SLC18A2: variants seen among roughly 807,000 people sequenced by gnomAD.
SLC18A2 encodes the protein solute carrier family 18 member A2.
Under a neutral mutation model 59.2 loss-of-function variants are expected in SLC18A2, and 33 were observed. That is an observed-to-expected ratio of 0.56 (90% CI 0.42 to 0.75). SLC18A2 has a LOEUF of 0.75. SLC18A2 is among the 30% of genes least tolerant of loss of function. The pLI is 0.00. For missense variants in SLC18A2, 569 were observed against 668.6 expected, an observed-to-expected ratio of 0.85 and a Z score of 1.64; for synonymous variants, 228 against 253.5, an observed-to-expected ratio of 0.90 and a Z score of 0.95.
In SLC18A2 at chr10:117,269,333, TACAC is replaced by T. The variant is rs916358023; in HGVS notation, c.1187-736_1187-733del. On this transcript the variant is annotated intron_variant, in intron 13 of 15. Transcript: ENST00000644641. This position sits in a 1 kb window ranked among gnomAD's most constrained non-coding sequence, Gnocchi z 5.1. Reference sequence around the variant, plus strand: ...CAGATACATATATACATATACATAATACACATACACACATGCATACACACATATA... The same window carrying T: ...CAGATACATATATACATATACATAATATACACACATGCATACACACATATA... Among the ~76,000 whole-genome samples the T allele has an allele frequency of 7.5e-5, 1 of 13,252 alleles. No homozygotes were observed. The highest frequency in any genetic ancestry group is 2.1e-4 in the Non-Finnish European group (1 of 4,834). The allele number at this position is 13,252 out of a possible 152,430, so 8.7% of individuals were successfully genotyped here.
At chr10:117,256,044 G>A (rs937780949) in intron 9 of SLC18A2, among the ~76,000 whole-genome samples, 2 of 152,114 alleles carry the variant, frequency 1.3e-5, no homozygotes, top group African/African-American at 2.4e-5. Context: ...AAGGGTCCCC[G>A]GTGGGCAGTC....
At chr10:117,254,252 A>G in intron 5 of SLC18A2, 121 bp downstream of exon 5, 5 of 1,180,996 alleles carry the variant, frequency 4.2e-6, no homozygotes, top group East Asian at 4.8e-5. Flanking sequence ...GAAGGCACCC[A>G]CTTTCCTCTT....
chr10:117,250,668 T>G (rs1180865078), intron 3 of SLC18A2, among the ~76,000 whole-genome samples: 1 of 152,142 alleles, frequency 6.6e-6, no homozygotes, highest in East Asian at 1.9e-4. Flanking sequence ...ACACTCAGGG[T>G]ATGCCCGTAG....
intron 3 of SLC18A2, among the ~76,000 whole-genome samples, chr10:117,246,054 C>T (rs1203695815): frequency 1.3e-5 from 2 of 152,172 alleles, no homozygotes; most frequent in South Asian, 2.1e-4. Flanking sequence ...AAAACCAAAC[C>T]GACCTCAGTA....
At chr10:117,256,906 A>G (rs1394818719) in intron 9 of SLC18A2, among the ~76,000 whole-genome samples, 1 of 152,146 alleles carries the variant, frequency 6.6e-6, no homozygotes, top group Non-Finnish European at 1.5e-5. Context: ...ACTGCCTAGT[A>G]CCTGCTCACA....
At chr10:117,257,978 CTTA>C in intron 10 of SLC18A2, 86 bp downstream of exon 10, 5 of 850,144 alleles carry the variant, frequency 5.9e-6, no homozygotes, top group Non-Finnish European at 7.4e-6. Flanking sequence ...CTGAGTTGCC[CTTA>C]TGGGGATGAT....
At position 117,244,216 on chromosome 10, in the gene SLC18A2, G is replaced by C. The variant is rs149323950; in HGVS notation, c.367G>C (p.Asp123His). 25 of 1,614,118 alleles carry C rather than the reference G, an allele frequency of 1.5e-5. No individual in the cohort carries two copies. The African/African-American group carries it at 3.1e-4, about 20-fold the overall frequency. Residue 123 changes from aspartate (D) to histidine (H), a missense_variant, in exon 3 of 16, where the codon GAC becomes CAC. Physicochemically the swap from Asp to His is moderately conservative, Grantham distance 81. Coordinates refer to ENST00000644641, the MANE Select transcript of SLC18A2 (RefSeq NM_003054.6). ...TTCCGACTGTCCCAGTGAAGACAAA[G>C]ACCTCCTGAATGAAAACGTGCAAGT... ...VPSDCPSEDK[D>H]LLNENVQVGL...
At chr10:117,253,979 A>G in intron 4 of SLC18A2, 69 bp from the exon 5 acceptor site, 1 of 1,438,462 alleles carries the variant, frequency 7.0e-7, no homozygotes, top group Admixed American at 1.7e-5. Flanking sequence ...GGCTTCTGAA[A>G]CGTTCCTGTT....
intron 13 of SLC18A2, among the ~76,000 whole-genome samples, chr10:117,268,879 ATGAG>A (rs528873682): frequency 3.5e-3 from 533 of 151,786 alleles, no homozygotes; most frequent in Non-Finnish European, 6.4e-3. Context: ...TGTTGTGTGT[ATGAG>A]TGTGTATGTG....
Position 117,269,337 on chromosome 10 carries a change from C to CATGA in SLC18A2, c.1187-732_1187-731insGAAT, listed in dbSNP as rs148572984. On this transcript the variant is annotated intron_variant, in intron 13 of 15. Coordinates refer to ENST00000644641, the MANE Select transcript of SLC18A2 (RefSeq NM_003054.6). This position sits in a 1 kb window ranked among gnomAD's most constrained non-coding sequence, Gnocchi z 5.1. ...TACATATATACATATACATAATACA[C>CATGA]ATACACACATGCATACACACATATA... 1.3e-5 allele frequency among the ~76,000 whole-genome samples: 2 copies of CATGA among 151,958 alleles called. No homozygotes were observed. The highest frequency in any genetic ancestry group is 2.9e-5 in the Non-Finnish European group (2 of 67,994).
intron 15 of SLC18A2, among the ~76,000 whole-genome samples, chr10:117,272,494 C>T (rs562111650): frequency 5.3e-5 from 8 of 152,222 alleles, no homozygotes; most frequent in South Asian, 2.1e-4. Flanking sequence ...CACTGTGTTC[C>T]GCAGAAGGAC....
At chr10:117,245,442 G>A (rs1267816334) in intron 3 of SLC18A2, among the ~76,000 whole-genome samples, 15 of 152,188 alleles carry the variant, frequency 9.9e-5, no homozygotes, top group Non-Finnish European at 2.9e-5. Context: ...GGGGCAGTTG[G>A]GAGCCATTAG....
intron 10 of SLC18A2, among the ~76,000 whole-genome samples, chr10:117,260,532 T>C (rs1844284044): frequency 6.6e-6 from 1 of 152,258 alleles, no homozygotes. Context: ...TCTAGAATTT[T>C]CTTCTATTCC....
intron 15 of SLC18A2, among the ~76,000 whole-genome samples, chr10:117,276,125 CA>C (rs34299747): frequency 5.7e-4 from 79 of 137,442 alleles, no homozygotes; most frequent in Admixed American, 1.6e-3. Flanking sequence ...GTCATCTCTA[CA>C]AAAAAAAAAA....
rs147751634 is a variant in SLC18A2 at position 117,272,505 on chromosome 10, T to G, written c.1440+2042T>G. Among the ~76,000 whole-genome samples the G allele has an allele frequency of 1.1e-3, 165 of 152,262 alleles. 1 individual carries two copies. The Middle Eastern group carries it at 0.024, about 22-fold the overall frequency. On this transcript the variant is annotated intron_variant, in intron 15 of 15. Transcript: ENST00000644641. ...CTACCACTGTGTTCCGCAGAAGGAC[T>G]GGCAGAAGGCAGGCCTCAGTACCCC...
intron 10 of SLC18A2, among the ~76,000 whole-genome samples, chr10:117,263,115 T>C (rs894785833): frequency 6.6e-6 from 1 of 152,178 alleles, no homozygotes; most frequent in African/African-American, 2.4e-5. Flanking sequence ...GCCCCAGAGA[T>C]AGACATGTCT....
intron 10 of SLC18A2, among the ~76,000 whole-genome samples, chr10:117,263,862 GGGCCTGT>G (rs1237546069): frequency 6.6e-6 from 1 of 152,114 alleles, no homozygotes; most frequent in Admixed American, 6.5e-5. Context: ...GGTAGGACAC[GGGCCTGT>G]ACCAGAAGAC....
In SLC18A2 at chr10:117,267,574, G is replaced by C; in HGVS notation, c.1123-99G>C. ...TCCTGTTTTCTTCAGAAGGGAACAG[G>C]CATACCACGCTCAGAGAAAACACAA... On this transcript the variant is annotated intron_variant, in intron 12 of 15. Transcript: ENST00000644641. The C allele has an allele frequency of 2.4e-6, 2 of 820,284 alleles. 1 individual carries two copies. Among genetic ancestry groups the C allele is most frequent in the South Asian group, 4.1e-5 (2 of 48,838 alleles). The allele number at this position is 820,284 out of a possible 1,614,324, so 50.8% of individuals were successfully genotyped here.
rs918577436 is a variant in SLC18A2 at position 117,267,837 on chromosome 10, G to T, written c.1186+101G>T. 5 of 885,260 alleles carry T rather than the reference G, an allele frequency of 5.6e-6. No homozygotes were observed. The Admixed American group carries it at 1.1e-4, about 19-fold the overall frequency. 54.8% of individuals were successfully genotyped at this position (885,260 alleles called of 1,614,324 possible). On this transcript the variant is annotated intron_variant, in intron 13 of 15. Coordinates refer to ENST00000644641, the MANE Select transcript of SLC18A2 (RefSeq NM_003054.6). ...TGTAGTTCCTCAACCTAAATTTCCA[G>T]AATCTTAGAAGGAGGCTGCAGGCAG...
Sources: allele counts gnomAD v4.1 joint callset (sites outside exome capture counted in the v4.1 genomes callset), GRCh38; gene constraint gnomAD v4.1.1; non-coding constraint Gnocchi (gnomAD v3.1); transcripts MANE v1.5; gene names NCBI Gene and HGNC (gene_info 2026-07-23, HGNC 2026-07-21).